EPG5: variants seen among roughly 807,000 people sequenced by gnomAD.
The protein encoded by EPG5 is ectopic P-granules 5 autophagy tethering factor.
EPG5 carries 159 observed loss-of-function variants against 302.7 expected under a neutral mutation model. The ratio of observed to expected loss-of-function variants is 0.53; its 90% confidence interval spans 0.46 to 0.60. The LOEUF is 0.60. EPG5 is among the 20% of genes least tolerant of loss of function. EPG5 has a pLI of 0.00. For synonymous variants in EPG5, 1,158 were observed against 1,136.8 expected (o/e 1.02, Z -0.37); for missense variants, 2,896 against 3,092.4 (o/e 0.94, Z 1.51).
At position 45,867,575 on chromosome 18, in the gene EPG5, C is replaced by G; in HGVS notation, c.6399G>C (p.Leu2133=). Residue 2133 remains leucine, a synonymous_variant, in exon 37 of 44, where the codon CTG becomes CTC. Coordinates refer to ENST00000282041, the MANE Select transcript of EPG5 (RefSeq NM_020964.3). ...MMILLAKEVQ[L]VDQTDSPLLS... ...TTCCCAAACTTACTGTTTGGTCTACCAGTTGAACTTCCTTTGCCAATAAAA... is the reference window on the plus strand; with the variant it reads ...TTCCCAAACTTACTGTTTGGTCTACGAGTTGAACTTCCTTTGCCAATAAAA... 6.2e-7 allele frequency: 1 copy of G among 1,613,796 alleles called. No individual in the cohort carries two copies. Among genetic ancestry groups the G allele is most frequent in the Non-Finnish European group, 8.5e-7 (1 of 1,179,880 alleles).
At position 45,943,777 on chromosome 18, in the gene EPG5, C is replaced by T. The variant is rs576531654; in HGVS notation, c.1792+228G>A. ...TCTACTAAAAATACAAAAAATTAGC[C>T]GGGCGTGGTGGCGGGCGCCTGTAGT... is the stretch of plus-strand genomic sequence containing the variant. On this transcript the variant is annotated intron_variant, in intron 8 of 43. Coordinates refer to ENST00000282041, the MANE Select transcript of EPG5 (RefSeq NM_020964.3). 5.9e-5 allele frequency among the ~76,000 whole-genome samples: 9 copies of T among 152,154 alleles called. No homozygotes were observed. In the South Asian group the frequency reaches 1.7e-3, roughly 28 times the overall value.
the EPG5 span, among the ~76,000 whole-genome samples, chr18:45,836,138 G>C: frequency 6.6e-5 from 10 of 152,184 alleles, no homozygotes; most frequent in African/African-American, 2.4e-4. Flanking sequence ...TCCTGCCCAA[G>C]GAGCAAATTG....
intron 6 of EPG5, 26 bp from the exon 7 acceptor site, chr18:45,946,794 A>G (rs1366581131): frequency 6.3e-7 from 1 of 1,583,930 alleles, no homozygotes; most frequent in African/African-American, 1.3e-5. Context: ...AATCACTCCC[A>G]TCACTTAGAT....
At chr18:45,947,748 C>T (rs1391071563) in intron 6 of EPG5, among the ~76,000 whole-genome samples, 1 of 152,028 alleles carries the variant, frequency 6.6e-6, no homozygotes, top group Admixed American at 6.6e-5. Flanking sequence ...TCCATTGTCC[C>T]GTTCTCCTAC....
intron 16 of EPG5, among the ~76,000 whole-genome samples, chr18:45,922,002 A>G (rs939178057): frequency 6.6e-6 from 1 of 151,986 alleles, no homozygotes; most frequent in Non-Finnish European, 1.5e-5. Context: ...GGCTACGATC[A>G]ATTTTTCAAA....
intron 12 of EPG5, among the ~76,000 whole-genome samples, 196 bp downstream of exon 12, chr18:45,930,479 CT>C (rs1187999237): frequency 6.6e-6 from 1 of 152,186 alleles, no homozygotes; most frequent in Non-Finnish European, 1.5e-5. Context: ...ATAATAAGTA[CT>C]GGGGAATGGA....
intron 25 of EPG5, among the ~76,000 whole-genome samples, chr18:45,901,532 G>T (rs1489040419): frequency 2.6e-5 from 4 of 152,062 alleles, no homozygotes; most frequent in African/African-American, 9.7e-5. Flanking sequence ...CCATCATCCA[G>T]AATTCAGAGG....
intron 31 of EPG5, among the ~76,000 whole-genome samples, chr18:45,880,699 A>G (rs549277506): frequency 1.3e-5 from 2 of 152,314 alleles, no homozygotes; most frequent in Non-Finnish European, 2.9e-5. Context: ...CAGCATGGAA[A>G]CGCTGGACAA....
At chr18:45,929,648 A>G (rs1004812349) in intron 12 of EPG5, among the ~76,000 whole-genome samples, 2 of 152,220 alleles carry the variant, frequency 1.3e-5, no homozygotes, top group Non-Finnish European at 2.9e-5. Context: ...TCCTGGTCAA[A>G]ACACTGGAAA....
intron 29 of EPG5, among the ~76,000 whole-genome samples, 181 bp from the exon 30 acceptor site, chr18:45,884,992 A>G (rs2145446545): frequency 6.6e-6 from 1 of 152,364 alleles, no homozygotes; most frequent in Admixed American, 6.5e-5. Context: ...AATGGAAGTA[A>G]TATTAGAAAT....
At position 45,954,567 on chromosome 18, in the gene EPG5, A is replaced by T; in HGVS notation, c.835T>A (p.Phe279Ile). The T allele has an allele frequency of 6.2e-7, 1 of 1,614,242 alleles. No individual in the cohort carries two copies. The highest frequency in any genetic ancestry group is 8.5e-7 in the Non-Finnish European group (1 of 1,180,046). ...LENVESYLEE[F>I]DSMAHQDRHE... ...CTGTCTTGATGAGCCATGCTGTCAA[A>T]TTCTTCTAAATATGACTCAACATTT... Residue 279 changes from phenylalanine to isoleucine, a missense_variant, in exon 2 of 44, where the codon TTT (phenylalanine) becomes ATT (isoleucine). By Grantham distance (21) the Phe-to-Ile change is conservative. This residue lies in a region of EPG5 where 1,390 missense variants were observed against 1,430.0 expected (regional missense o/e 0.97). Transcript: ENST00000282041.
intron 27 of EPG5, among the ~76,000 whole-genome samples, chr18:45,894,443 C>T (rs1052063706): frequency 8.6e-5 from 13 of 151,800 alleles, no homozygotes; most frequent in African/African-American, 3.1e-4. Flanking sequence ...AAGAGCAAAA[C>T]TCTGCCTCAA....
Position 45,946,731 on chromosome 18 carries a change from C to T in EPG5, c.1609G>A (p.Glu537Lys), listed in dbSNP as rs183660877. 224 of 1,614,176 alleles carry T rather than the reference C, an allele frequency of 1.4e-4. No homozygotes were observed. In the East Asian group the frequency reaches 4.3e-3, roughly 31 times the overall value. The stretch of plus-strand genomic sequence containing the variant: ...GGCCCTGAGGAGGATGGCTTCCGCT[C>T]GCTGGGCTTCATGTGGCACATAAAC... ...AEFMCHMKPS[E>K]RKPSSSGPGS... The change falls in exon 7 of 44, where the codon GAG becomes AAG. Residue 537 changes from glutamate to lysine, a missense_variant. Physicochemically the swap from Glu to Lys is moderately conservative, Grantham distance 56 (BLOSUM62 1). Transcript: ENST00000282041.
chr18:45,921,068 G>A (rs2050145200), intron 16 of EPG5, among the ~76,000 whole-genome samples: 1 of 152,234 alleles, frequency 6.6e-6, no homozygotes, highest in South Asian at 2.1e-4. Context: ...AAGAACAGCA[G>A]AAGTTGAGAA....
At chr18:45,881,653 A>G (rs1048322876) in intron 31 of EPG5, among the ~76,000 whole-genome samples, 3 of 152,202 alleles carry the variant, frequency 2.0e-5, no homozygotes, top group Admixed American at 1.3e-4. Context: ...GAAACTCCAA[A>G]AATAAAAAAG....
chr18:45,864,749 T>C (rs1202695377), intron 39 of EPG5, among the ~76,000 whole-genome samples: 4 of 152,224 alleles, frequency 2.6e-5, no homozygotes, highest in Admixed American at 2.6e-4. Flanking sequence ...AGGTTGTTGT[T>C]ATTACTGCTG....
Position 45,884,701 on chromosome 18 carries a change from A to G in EPG5, c.5220T>C (p.Pro1740=), listed in dbSNP as rs1286264650. 1.9e-6 allele frequency: 3 copies of G among 1,612,072 alleles called. No individual in the cohort carries two copies. The highest frequency in any genetic ancestry group is 2.2e-5 in the South Asian group (2 of 90,718). ...LSPFFTPNAA[P]AEFIQLYEQV... is the part of the protein sequence containing the mutation. ...GCTCATACAGCTGTATGAACTCTGC[A>G]GGTGCAGCATTGGGAGTGAAGAAAG... Residue 1740 remains proline, a synonymous_variant, in exon 30 of 44, where the codon CCT becomes CCC. Transcript: ENST00000282041.
At position 45,852,380 on chromosome 18, in the gene EPG5, A is replaced by T; in HGVS notation, c.*87T>A. On this transcript the variant is annotated 3_prime_UTR_variant, in exon 44 of 44. Transcript: ENST00000282041. ...ACACATTGGCCAAACTGAGCTCTAC[A>T]GTGCAATTGAGCAAAGTTACTTGTG... 8.0e-7 allele frequency: 1 copy of T among 1,247,270 alleles called. No homozygotes were observed. Among genetic ancestry groups the T allele is most frequent in the Non-Finnish European group, 1.1e-6 (1 of 888,548 alleles). 77.3% of individuals were successfully genotyped at this position (1,247,270 alleles called of 1,614,324 possible).
At chr18:45,824,185 C>T in the EPG5 span, among the ~76,000 whole-genome samples, 1 of 152,138 alleles carries the variant, frequency 6.6e-6, no homozygotes, top group African/African-American at 2.4e-5. Context: ...TGAAGGGCCT[C>T]CTGTGTCGAT....
Sources: allele counts gnomAD v4.1 joint callset (sites outside exome capture counted in the v4.1 genomes callset), GRCh38; gene constraint gnomAD v4.1.1; regional missense constraint gnomAD v4.1.1; transcripts MANE v1.5; gene names NCBI Gene and HGNC (gene_info 2026-07-23, HGNC 2026-07-21).